BCAS4: variants seen among roughly 807,000 people sequenced by gnomAD.
BCAS4 encodes the protein breast carcinoma-amplified sequence 4.
A neutral mutation model predicts 15.7 loss-of-function variants in BCAS4; 9 were observed. That is an observed-to-expected ratio of 0.57 (90% confidence interval 0.34 to 1.00). The LOEUF (loss-of-function observed/expected upper bound fraction) is 1.00, where lower values mean the gene tolerates loss of function less well. BCAS4 is among the 50% of genes least tolerant of loss of function. BCAS4 has a pLI of 0.02. For synonymous variants in BCAS4, 101 were observed against 99.5 expected, an observed-to-expected ratio of 1.02 and a Z score of -0.09; for missense variants, 225 against 239.1, an observed-to-expected ratio of 0.94 and a Z score of 0.39.
At chr20:50,826,881 T>C (rs140463350) in intron 2 of BCAS4, among the ~76,000 whole-genome samples, 85 of 152,236 alleles carry the variant, frequency 5.6e-4, no homozygotes, top group African/African-American at 2.0e-3. Context: ...GGCTGGAGAA[T>C]TGTTTGAGCC....
At position 50,876,695 on chromosome 20, in the gene BCAS4, A is replaced by G. The variant is rs143410780; in HGVS notation, c.*87A>G. 2.3e-4 allele frequency: 321 copies of G among 1,414,926 alleles called. 1 individual carries two copies. In the East Asian group the frequency reaches 5.9e-3, roughly 26 times the overall value. 87.6% of individuals were successfully genotyped at this position (1,414,926 alleles called of 1,614,324 possible). ...GGGTTTTTTCTTTGTATTGCTGTTT[A>G]TTTTATATTTTAAAAATATTTAAAA... On this transcript the variant is annotated 3_prime_UTR_variant, in exon 5 of 5. Coordinates refer to ENST00000371608, the MANE Select transcript of BCAS4 (RefSeq NM_198799.4).
intron 2 of BCAS4, among the ~76,000 whole-genome samples, chr20:50,824,828 G>T (rs1203442097): frequency 1.3e-5 from 2 of 152,182 alleles, no homozygotes; most frequent in African/African-American, 4.8e-5. Flanking sequence ...CAGGTCTCCT[G>T]ATTTTTCACA....
intron 3 of BCAS4, chr20:50,832,670 A>G (rs1337355372): frequency 6.6e-6 from 1 of 152,298 alleles, no homozygotes; most frequent in Non-Finnish European, 1.5e-5. Context: ...TCTGGGGAGA[A>G]TCTTTGCCTT....
chr20:50,819,279 T>C (rs946201956), intron 2 of BCAS4, among the ~76,000 whole-genome samples: 1 of 151,982 alleles, frequency 6.6e-6, no homozygotes, highest in Non-Finnish European at 1.5e-5. Context: ...GCTGATAGAA[T>C]TTTCTAGAAG....
At chr20:50,798,389 C>T (rs537478171) in intron 1 of BCAS4, among the ~76,000 whole-genome samples, 7 of 151,418 alleles carry the variant, frequency 4.6e-5, no homozygotes, top group Admixed American at 1.3e-4. Flanking sequence ...AACAGTATAT[C>T]TGGGCCAGGA....
chr20:50,853,276 C>G lies in BCAS4; in HGVS notation c.399+11376C>G, dbSNP rs1978546179. On this transcript the variant is annotated intron_variant, in intron 4 of 4. Transcript: ENST00000371608. ...TCTCCTGCCTCAGCTTCCCAAGTAG[C>G]TGGGACTACAGGCACATACCACCAT... is the stretch of plus-strand genomic sequence containing the variant. Among the ~76,000 whole-genome samples, 2 of 151,498 alleles carry G rather than the reference C, an allele frequency of 1.3e-5. 1 individual carries two copies. Among genetic ancestry groups the G allele is most frequent in the African/African-American group, 4.9e-5 (2 of 41,216 alleles).
intron 2 of BCAS4, among the ~76,000 whole-genome samples, chr20:50,823,686 A>G (rs2088244178): frequency 6.6e-6 from 1 of 152,202 alleles, no homozygotes; most frequent in South Asian, 2.1e-4. Flanking sequence ...ACATTTAAAA[A>G]GAAAAGCTTG....
intron 3 of BCAS4, among the ~76,000 whole-genome samples, chr20:50,838,357 G>A (rs1310093465): frequency 6.6e-6 from 1 of 152,140 alleles, no homozygotes; most frequent in Non-Finnish European, 1.5e-5. Flanking sequence ...AATCTGGGTG[G>A]CTCCAGAGTG....
intron 1 of BCAS4, among the ~76,000 whole-genome samples, chr20:50,796,694 C>T (rs2087869496): frequency 6.6e-6 from 1 of 150,700 alleles, no homozygotes; most frequent in African/African-American, 2.4e-5. Context: ...CGGGGTTTCA[C>T]CATGTTGGCC....
At chr20:50,820,170 G>C (rs2123777628) in intron 2 of BCAS4, among the ~76,000 whole-genome samples, 1 of 152,292 alleles carries the variant, frequency 6.6e-6, no homozygotes, top group Non-Finnish European at 1.5e-5. Context: ...TCTCATGAAT[G>C]GGCCCCGTCA....
rs190672930 is a variant in BCAS4 at position 50,838,023 on chromosome 20, T to C, written c.265-3743T>C. On this transcript the variant is annotated intron_variant, in intron 3 of 4. Transcript: ENST00000371608. ...ATACACACACACACACACACACACA[T>C]GACGTGGCTGATTCAGCCTTTCAGC... Among the ~76,000 whole-genome samples, 430 of 134,102 alleles carry C rather than the reference T, an allele frequency of 3.2e-3. 2 individuals are homozygous for C. Among genetic ancestry groups the C allele is most frequent in the Non-Finnish European group, 5.0e-3 (319 of 63,404 alleles). 88.0% of individuals were successfully genotyped at this position (134,102 alleles called of 152,430 possible).
At position 50,820,008 on chromosome 20, in the gene BCAS4, G is replaced by T. The variant is rs2088194223; in HGVS notation, c.162+1726G>T. On this transcript the variant is annotated intron_variant, in intron 2 of 4. Coordinates refer to ENST00000371608, the MANE Select transcript of BCAS4 (RefSeq NM_198799.4). The stretch of plus-strand genomic sequence containing the variant: ...TGGGATTACAAGCATGCACCACCAT[G>T]CCTGGCTAATTTTTGTATTTTTAGT... 9.2e-5 allele frequency among the ~76,000 whole-genome samples: 14 copies of T among 152,026 alleles called. 1 individual carries two copies. Among genetic ancestry groups the T allele is most frequent in the Admixed American group, 9.2e-4 (14 of 15,266 alleles).
chr20:50,811,916 C>T (rs2088068751), intron 1 of BCAS4, among the ~76,000 whole-genome samples: 1 of 152,174 alleles, frequency 6.6e-6, no homozygotes, highest in Admixed American at 6.5e-5. Flanking sequence ...AGCCACTGTG[C>T]CCAGCCTGGA....
chr20:50,806,989 A>G lies in BCAS4; in HGVS notation c.91-11222A>G, dbSNP rs1157267536. On this transcript the variant is annotated intron_variant, in intron 1 of 4. Transcript: ENST00000371608. ...TGGGTTCAAATAATTCTTGTGTCTC[A>G]GCCTCCCAAATAGCTGGGATTACAG... Among the ~76,000 whole-genome samples the G allele has an allele frequency of 1.7e-4, 25 of 145,226 alleles. No individual in the cohort carries two copies. In the Admixed American group the frequency reaches 1.8e-3, roughly 11 times the overall value.
intron 3 of BCAS4, among the ~76,000 whole-genome samples, chr20:50,839,060 T>C (rs2088445006): frequency 6.6e-6 from 1 of 152,170 alleles, no homozygotes; most frequent in South Asian, 2.1e-4. Flanking sequence ...GAGGACTGCA[T>C]TTCATGGTAT....
intron 1 of BCAS4, among the ~76,000 whole-genome samples, chr20:50,800,119 C>T (rs1385461120): frequency 4.6e-5 from 7 of 152,014 alleles, no homozygotes; most frequent in Admixed American, 1.3e-4. Flanking sequence ...CAGACATGGG[C>T]GGATGTGAGA....
At chr20:50,821,654 CTGTT>C (rs751970506) in intron 2 of BCAS4, among the ~76,000 whole-genome samples, 1 of 152,218 alleles carries the variant, frequency 6.6e-6, no homozygotes, top group Non-Finnish European at 1.5e-5. Context: ...TTCAGAAACA[CTGTT>C]TGATCAATTT....
chr20:50,854,686 A>G (rs961548174), intron 4 of BCAS4, among the ~76,000 whole-genome samples: 4 of 152,162 alleles, frequency 2.6e-5, no homozygotes, highest in Admixed American at 6.5e-5. Context: ...AGCACATAGT[A>G]GGTGCTCAGT....
chr20:50,795,143 G>A lies in BCAS4; in HGVS notation c.60G>A (p.Ala20=), dbSNP rs747248326. 6.1e-6 allele frequency: 9 copies of A among 1,470,316 alleles called. No homozygotes were observed. The South Asian group carries it at 1.2e-4, about 19-fold the overall frequency. 91.1% of individuals were successfully genotyped at this position (1,470,316 alleles called of 1,614,324 possible). A position where few individuals can be genotyped will look rare whatever the true frequency, so the allele number is the denominator to read the frequency against. Residue 20 remains alanine (A), a synonymous_variant, in exon 1 of 5, where the codon GCG becomes GCA. Transcript: ENST00000371608. ...TGCGCAGCGGGGCGCGCGAGCTCGC[G>A]CTCTTCCTGACCCCCGAGCCTGGGG... ...EPMRSGAREL[A]LFLTPEPGAE...
Sources: allele counts gnomAD v4.1 joint callset (sites outside exome capture counted in the v4.1 genomes callset), GRCh38; gene constraint gnomAD v4.1.1; transcripts MANE v1.5; gene names NCBI Gene and HGNC (gene_info 2026-07-23, HGNC 2026-07-21).